Variants in HERC1 observed in about 807,000 individuals in gnomAD.
The protein encoded by HERC1 is probable E3 ubiquitin-protein ligase HERC1.
HERC1 carries 160 observed loss-of-function variants against 554.3 expected under a neutral mutation model. The ratio of observed to expected loss-of-function variants is 0.29; its 90% CI spans 0.25 to 0.33. The LOEUF (loss-of-function observed/expected upper bound fraction) is 0.33. Ranked by LOEUF, HERC1 falls within the 10% of genes least tolerant of loss-of-function variation. The pLI, the probability that HERC1 is intolerant of heterozygous loss-of-function variation, is 1.00. For missense variants in HERC1, 4,919 were observed against 5,918.5 expected (o/e 0.83, Z 5.54); for synonymous variants, 2,175 against 2,131.7 (o/e 1.02, Z -0.56).
intron 22 of HERC1, among the ~76,000 whole-genome samples, chr15:63,715,892 C>T (rs2140305813): frequency 6.6e-6 from 1 of 152,252 alleles, no homozygotes; most frequent in East Asian, 1.9e-4. Context: ...TTAGAAGTTC[C>T]ACACGTGGAA....
intron 71 of HERC1, among the ~76,000 whole-genome samples, chr15:63,624,676 C>T (rs1265209495): frequency 6.6e-6 from 1 of 151,956 alleles, no homozygotes; most frequent in Non-Finnish European, 1.5e-5. Flanking sequence ...AGCCTGGGCA[C>T]AGAGTGAGAC....
At chr15:63,796,884 C>A (rs918482782) in intron 1 of HERC1, among the ~76,000 whole-genome samples, 2 of 152,158 alleles carry the variant, frequency 1.3e-5, no homozygotes, top group South Asian at 4.1e-4. Context: ...CTTCAGAGAA[C>A]AGATTGTAAA....
intron 57 of HERC1, among the ~76,000 whole-genome samples, chr15:63,644,757 A>G (rs1422482782): frequency 6.6e-6 from 1 of 152,236 alleles, no homozygotes; most frequent in African/African-American, 2.4e-5. Flanking sequence ...TATATCCACT[A>G]TCACAGTAAC....
chr15:63,648,458 T>C (rs935904937), intron 54 of HERC1, among the ~76,000 whole-genome samples: 2 of 152,200 alleles, frequency 1.3e-5, no homozygotes, highest in Non-Finnish European at 2.9e-5. Context: ...TGTTGAAAAA[T>C]AGAGACAAAA....
chr15:63,648,739 A>C (rs1166566649), intron 54 of HERC1, among the ~76,000 whole-genome samples: 1 of 152,200 alleles, frequency 6.6e-6, no homozygotes, highest in Non-Finnish European at 1.5e-5. Flanking sequence ...GTAGAATGGG[A>C]GTGTGGGAAC....
intron 11 of HERC1, among the ~76,000 whole-genome samples, chr15:63,747,296 C>T (rs2075091006): frequency 6.6e-6 from 1 of 152,050 alleles, no homozygotes; most frequent in Non-Finnish European, 1.5e-5. Context: ...CCCGCCTCTA[C>T]TAAAAATACA....
chr15:63,703,712 C>T (rs938613831), intron 25 of HERC1, among the ~76,000 whole-genome samples: 1 of 151,858 alleles, frequency 6.6e-6, no homozygotes, highest in African/African-American at 2.4e-5. Context: ...TGGCGAAACC[C>T]CGTTTCTACA....
intron 59 of HERC1, 133 bp downstream of exon 59, chr15:63,642,824 T>C: frequency 1.6e-6 from 1 of 624,092 alleles, no homozygotes; most frequent in Non-Finnish European, 2.9e-6. Context: ...TACTAAATAG[T>C]TGCACTGTTT....
At chr15:63,818,240 G>A (rs903021759) in intron 1 of HERC1, among the ~76,000 whole-genome samples, 1 of 152,036 alleles carries the variant, frequency 6.6e-6, no homozygotes, top group East Asian at 1.9e-4. Context: ...CAGAATCATT[G>A]CTGTCTTTCT....
chr15:63,786,687 G>A (rs79644651), intron 1 of HERC1, among the ~76,000 whole-genome samples: 8,985 of 152,206 alleles, frequency 0.059, 309 homozygotes, highest in Non-Finnish European at 0.072. Context: ...TATAAGAAAT[G>A]TACAGTACAG....
At chr15:63,725,864 T>C (rs2074018066) in intron 17 of HERC1, among the ~76,000 whole-genome samples, 1 of 152,044 alleles carries the variant, frequency 6.6e-6, no homozygotes, top group Non-Finnish European at 1.5e-5. Context: ...TCCTCCAAAA[T>C]CAACACACAA....
At chr15:63,669,243 T>A (rs2070783163) in intron 40 of HERC1, among the ~76,000 whole-genome samples, 1 of 152,180 alleles carries the variant, frequency 6.6e-6, no homozygotes, top group Non-Finnish European at 1.5e-5. Flanking sequence ...TCAAAATGTG[T>A]GGGTTGCAGC....
At chr15:63,684,559 A>G (rs2071642672) in intron 34 of HERC1, among the ~76,000 whole-genome samples, 1 of 152,238 alleles carries the variant, frequency 6.6e-6, no homozygotes, top group African/African-American at 2.4e-5. Context: ...AAATTAAAAA[A>G]TTTAAAGTTG....
chr15:63,634,406 A>G (rs2152815058), intron 66 of HERC1, among the ~76,000 whole-genome samples: 1 of 152,358 alleles, frequency 6.6e-6, no homozygotes, highest in African/African-American at 2.4e-5. Context: ...CATACAACTC[A>G]AGGATACCAG....
chr15:63,686,552 T>G lies in HERC1; in HGVS notation c.6049-17A>C. On this transcript the variant is annotated splice_polypyrimidine_tract_variant and intron_variant, in intron 33 of 77. Coordinates refer to ENST00000443617, the MANE Select transcript of HERC1 (RefSeq NM_003922.4). ...GCCCTGCTTCTACCAGAAAAGAAGC[T>G]GGGTCAGCATTTTGGAATAATCCAT... 1.2e-6 allele frequency: 2 copies of G among 1,605,528 alleles called. No individual in the cohort carries two copies.
chr15:63,795,003 T>C (rs1596274238), intron 1 of HERC1, among the ~76,000 whole-genome samples: 2 of 143,292 alleles, frequency 1.4e-5, no homozygotes, highest in Admixed American at 7.4e-5. Context: ...GAGGCGGGGG[T>C]TGCAGTTAGC....
intron 56 of HERC1, 44 bp downstream of exon 56, chr15:63,645,439 C>A (rs751364256): frequency 7.0e-7 from 1 of 1,435,260 alleles, no homozygotes; most frequent in Non-Finnish European, 9.6e-7. Flanking sequence ...ACAGTCTATA[C>A]CAATATAAAA....
At chr15:63,712,733 T>C in intron 24 of HERC1, 42 bp downstream of exon 24, 1 of 1,595,598 alleles carries the variant, frequency 6.3e-7, no homozygotes, top group Non-Finnish European at 8.6e-7. Flanking sequence ...TCATATACCT[T>C]GAAAACAAAA....
intron 8 of HERC1, among the ~76,000 whole-genome samples, chr15:63,750,073 C>T (rs1054315850): frequency 6.6e-6 from 1 of 152,182 alleles, no homozygotes; most frequent in Non-Finnish European, 1.5e-5. Context: ...CACTAATCGG[C>T]TTGCAATTTG....
Sources: allele counts gnomAD v4.1 joint callset (sites outside exome capture counted in the v4.1 genomes callset), GRCh38; gene constraint gnomAD v4.1.1; transcripts MANE v1.5; gene names NCBI Gene and HGNC (gene_info 2026-07-23, HGNC 2026-07-21).